The following LPP variants were observed in gnomAD, a reference collection of about 807,000 sequenced individuals.
LPP encodes lipoma-preferred partner.
A neutral mutation model predicts 60.4 loss-of-function variants in LPP; 38 were observed. The ratio of observed to expected loss-of-function variants is 0.63; its 90% CI spans 0.49 to 0.83. The LOEUF (loss-of-function observed/expected upper bound fraction) is 0.83, where lower values mean the gene tolerates loss of function less well. LPP is among the 40% of genes least tolerant of loss of function. The pLI is 0.00. For synonymous variants in LPP, 328 were observed against 290.8 expected (o/e 1.13, Z -1.30); for missense variants, 902 against 783.6 (o/e 1.15, Z -1.80).
intron 8 of LPP, among the ~76,000 whole-genome samples, chr3:188,756,616 G>A (rs1224329030): frequency 6.6e-6 from 1 of 152,188 alleles, no homozygotes; most frequent in Non-Finnish European, 1.5e-5. Context: ...GACACAGTTT[G>A]TAAATGTTTG....
At chr3:188,728,770 G>A (rs1719337183) in intron 8 of LPP, among the ~76,000 whole-genome samples, 1 of 152,026 alleles carries the variant, frequency 6.6e-6, no homozygotes, top group African/African-American at 2.4e-5. Context: ...TAATGACACA[G>A]TAGATTATAA....
At chr3:188,385,699 C>A (rs552419551) in intron 3 of LPP, among the ~76,000 whole-genome samples, 1 of 152,288 alleles carries the variant, frequency 6.6e-6, no homozygotes, top group African/African-American at 2.4e-5. Context: ...CGTTGTGGAA[C>A]ATGCTTTATG....
At chr3:188,526,605 A>G (rs1820654695) in intron 6 of LPP, among the ~76,000 whole-genome samples, 1 of 152,150 alleles carries the variant, frequency 6.6e-6, no homozygotes, top group Non-Finnish European at 1.5e-5. Context: ...TCTTCTTTAG[A>G]TACATTCCCT....
chr3:188,822,521 G>A (rs541469545), intron 9 of LPP, among the ~76,000 whole-genome samples: 4 of 152,240 alleles, frequency 2.6e-5, no homozygotes, highest in Admixed American at 2.0e-4. Context: ...GTCACACTTT[G>A]GGGAAGTATA....
At chr3:188,753,949 T>C (rs1577353704) in intron 8 of LPP, among the ~76,000 whole-genome samples, 1 of 152,252 alleles carries the variant, frequency 6.6e-6, no homozygotes, top group East Asian at 1.9e-4. Context: ...AGTCCAGCTT[T>C]TAAGATATGA....
intron 9 of LPP, among the ~76,000 whole-genome samples, chr3:188,840,044 A>G (rs1269331151): frequency 6.6e-6 from 1 of 152,172 alleles, no homozygotes; most frequent in African/African-American, 2.4e-5. Context: ...GTATTATTCC[A>G]GTCTTACCTC....
chr3:188,435,810 T>C lies in LPP; in HGVS notation c.193+29497T>C, dbSNP rs140530430. On this transcript the variant is annotated intron_variant, in intron 4 of 11. Coordinates refer to ENST00000617246, the MANE Select transcript of LPP (RefSeq NM_001375462.1). ...AGGATGTTGTGTTTGTAATGTTGCT[T>C]CCATTTTGTCCCTTTCCTTGAAGCT... Among the ~76,000 whole-genome samples, 232 of 152,304 alleles carry C rather than the reference T, an allele frequency of 1.5e-3. 1 individual carries two copies. The highest frequency in any genetic ancestry group is 5.1e-3 in the African/African-American group (214 of 41,554).
intron 8 of LPP, among the ~76,000 whole-genome samples, chr3:188,733,838 T>A (rs1332712975): frequency 6.6e-6 from 1 of 152,224 alleles, no homozygotes; most frequent in African/African-American, 2.4e-5. Context: ...GCTAGAAAAT[T>A]ATGCATTTTG....
intron 3 of LPP, among the ~76,000 whole-genome samples, chr3:188,372,246 C>T (rs73891410): frequency 0.085 from 12,853 of 151,962 alleles, 1,699 homozygotes; most frequent in African/African-American, 0.28. Context: ...GGTAGGTTTT[C>T]GTAGTATCAT....
rs1798478460 is a variant in LPP, at chr3:188,459,391, A to AGGT, written c.194-25200_194-25198dup. 2.6e-5 allele frequency among the ~76,000 whole-genome samples: 4 copies of AGGT among 152,240 alleles called. No individual in the cohort carries two copies. In the South Asian group the frequency reaches 8.3e-4, roughly 32 times the overall value. ...AAGAGGAGAGAGAGCACATAGAGAG[A>AGGT]GGTACATTATCAAGCTGTCCACAGC... On this transcript the variant is annotated intron_variant, in intron 4 of 11. Transcript: ENST00000617246.
chr3:188,792,862 A>G lies in LPP; in HGVS notation c.1410+32580A>G, dbSNP rs149771332. Among the ~76,000 whole-genome samples, 778 of 152,262 alleles carry G rather than the reference A, an allele frequency of 5.1e-3. 20 individuals are homozygous for G. The South Asian group carries it at 0.052, about 10-fold the overall frequency. ...AGTAAGTATCAGCTGTATGGAGAGTATGAGGTTAAGATGATGCTGGATTTA... is the reference window on the plus strand; with the variant it reads ...AGTAAGTATCAGCTGTATGGAGAGTGTGAGGTTAAGATGATGCTGGATTTA... On this transcript the variant is annotated intron_variant, in intron 9 of 11. Coordinates refer to ENST00000617246, the MANE Select transcript of LPP (RefSeq NM_001375462.1).
chr3:188,247,237 CT>C, intron 2 of LPP: 1 of 887,390 alleles, frequency 1.1e-6, no homozygotes, highest in Non-Finnish European at 1.3e-6. Context: ...CACCCAAAGT[CT>C]TAGTTGCAGG....
intron 4 of LPP, among the ~76,000 whole-genome samples, chr3:188,411,198 GC>G (rs1784811293): frequency 1.3e-5 from 2 of 152,092 alleles, no homozygotes; most frequent in South Asian, 4.2e-4. Context: ...TCCGGGAAAT[GC>G]AAATTAAAAC....
chr3:188,764,811 C>A (rs1302332025), intron 9 of LPP, among the ~76,000 whole-genome samples: 2 of 152,174 alleles, frequency 1.3e-5, no homozygotes, highest in African/African-American at 2.4e-5. Context: ...TGCTTTTATT[C>A]CCAGTGGATG....
chr3:188,633,122 T>C (rs1177983698), intron 7 of LPP, among the ~76,000 whole-genome samples: 1 of 152,178 alleles, frequency 6.6e-6, no homozygotes, highest in African/African-American at 2.4e-5. Context: ...ATAGATGTGT[T>C]GATTACTTCA....
chr3:188,782,730 T>C (rs1470518434), intron 9 of LPP, among the ~76,000 whole-genome samples: 1 of 148,786 alleles, frequency 6.7e-6, no homozygotes, highest in Non-Finnish European at 1.5e-5. Context: ...AACAGCTGAA[T>C]GTTGCTGGGA....
At position 188,869,994 on chromosome 3, in the gene LPP, G is replaced by T. The variant is rs533031679; in HGVS notation, c.1590-2649G>T. On this transcript the variant is annotated intron_variant, in intron 10 of 11. Transcript: ENST00000617246. ...TCTTTAAAGGCCCAACTCAATTACC[G>T]TTTCCTGGAAGAAAACTTCTCTGAT... Among the ~76,000 whole-genome samples the T allele has an allele frequency of 2.6e-5, 4 of 152,104 alleles. No individual in the cohort carries two copies. In the South Asian group the frequency reaches 8.3e-4, roughly 32 times the overall value.
intron 8 of LPP, among the ~76,000 whole-genome samples, chr3:188,745,888 G>A (rs1426116137): frequency 6.6e-6 from 1 of 152,100 alleles, no homozygotes; most frequent in East Asian, 1.9e-4. Flanking sequence ...AGAGGGAACT[G>A]AGGCCCGTGG....
chr3:188,406,231 T>C lies in LPP; in HGVS notation c.111T>C (p.Ser37=), dbSNP rs757690264. The change falls in exon 4 of 12, where the codon TCT becomes TCC. Residue 37 remains serine, a synonymous_variant. Transcript: ENST00000617246. ...TTGGGAACCCCAGCATTTCAGTGTCTACACAACAGCCACCCAAAAAGTTTG... is the reference window on the plus strand; with the variant it reads ...TTGGGAACCCCAGCATTTCAGTGTCCACACAACAGCCACCCAAAAAGTTTG... ...HSFGNPSISV[S]TQQPPKKFAP... 6.2e-7 allele frequency: 1 copy of C among 1,614,186 alleles called. No individual in the cohort carries two copies. The highest frequency in any genetic ancestry group is 1.3e-5 in the African/African-American group (1 of 75,052).
Sources: allele counts gnomAD v4.1 joint callset (sites outside exome capture counted in the v4.1 genomes callset), GRCh38; gene constraint gnomAD v4.1.1; transcripts MANE v1.5; gene names NCBI Gene and HGNC (gene_info 2026-07-23, HGNC 2026-07-21).